The following PRKCA variants were observed in gnomAD, a reference collection of about 807,000 sequenced individuals.
PRKCA encodes protein kinase C alpha type.
In PRKCA, 27 loss-of-function variants were observed where a neutral mutation model predicts 87.0. The observed-to-expected ratio is 0.31, with a 90% CI of 0.23 to 0.43. PRKCA has a LOEUF of 0.43. PRKCA is among the 20% of genes least tolerant of loss of function. The pLI is 1.00. For synonymous variants in PRKCA, 329 were observed against 311.1 expected, an observed-to-expected ratio of 1.06 and a Z score of -0.61; for missense variants, 518 against 852.3, an observed-to-expected ratio of 0.61 and a Z score of 4.88.
chr17:66,630,286 G>A (rs1207540173), intron 3 of PRKCA, among the ~76,000 whole-genome samples: 1 of 152,204 alleles, frequency 6.6e-6, no homozygotes, highest in Non-Finnish European at 1.5e-5. Context: ...ATATGTGTAA[G>A]TATGTACTTA....
rs190528207 is a variant in PRKCA, at chr17:66,558,884, T to C, written c.288+62601T>C. Among the ~76,000 whole-genome samples the C allele has an allele frequency of 4.6e-5, 7 of 152,274 alleles. No individual in the cohort carries two copies. The East Asian group carries it at 1.4e-3, about 29-fold the overall frequency. ...TAATCTGCCATGCAGTTCAGAATGA[T>C]GACCCTCGGACCGGGCATGCTTCTC... On this transcript the variant is annotated intron_variant, in intron 3 of 16. Coordinates refer to ENST00000413366, the MANE Select transcript of PRKCA (RefSeq NM_002737.3).
intron 5 of PRKCA, among the ~76,000 whole-genome samples, chr17:66,658,358 G>A (rs910365564): frequency 3.3e-5 from 5 of 152,154 alleles, no homozygotes; most frequent in Admixed American, 6.5e-5. Flanking sequence ...GCAGACACCT[G>A]TAATCCCAGC....
intron 8 of PRKCA, among the ~76,000 whole-genome samples, chr17:66,715,890 A>G (rs541582303): frequency 1.6e-4 from 25 of 152,346 alleles, no homozygotes; most frequent in Admixed American, 1.6e-3. Context: ...CAGAAACTGA[A>G]TACCACAAGA....
intron 3 of PRKCA, among the ~76,000 whole-genome samples, chr17:66,569,114 G>A (rs982219493): frequency 1.3e-5 from 2 of 152,098 alleles, no homozygotes; most frequent in African/African-American, 4.8e-5. Context: ...TGAAGTTGAG[G>A]TACAAAATAA....
chr17:66,312,373 A>G (rs1213726203), intron 2 of PRKCA, among the ~76,000 whole-genome samples: 4 of 152,188 alleles, frequency 2.6e-5, no homozygotes, highest in African/African-American at 9.7e-5. Flanking sequence ...AAGTTTTTAG[A>G]CACATTAACT....
At chr17:66,671,441 G>A (rs983309345) in intron 5 of PRKCA, among the ~76,000 whole-genome samples, 3 of 152,064 alleles carry the variant, frequency 2.0e-5, no homozygotes, top group African/African-American at 7.2e-5. Flanking sequence ...TCTATAAAAT[G>A]TGGATACCAA....
intron 3 of PRKCA, among the ~76,000 whole-genome samples, chr17:66,588,822 G>A (rs111992830): frequency 6.6e-6 from 1 of 151,260 alleles, no homozygotes; most frequent in African/African-American, 2.4e-5. Flanking sequence ...TTGCATTTTT[G>A]TAGAGACAGG....
chr17:66,520,560 A>G (rs956120329), intron 3 of PRKCA, among the ~76,000 whole-genome samples: 2 of 152,208 alleles, frequency 1.3e-5, no homozygotes, highest in African/African-American at 4.8e-5. Flanking sequence ...ACTTCAAAGA[A>G]CAGAATAACT....
chr17:66,343,101 A>ATT (rs527607622), intron 2 of PRKCA, among the ~76,000 whole-genome samples: 2 of 147,996 alleles, frequency 1.4e-5, no homozygotes, highest in East Asian at 2.0e-4. Context: ...AACCTGAATA[A>ATT]TTTTTTTTTT....
At position 66,383,949 on chromosome 17, in the gene PRKCA, C is replaced by CA. The variant is rs879546144; in HGVS notation, c.205+77835dup. 6.1e-3 allele frequency among the ~76,000 whole-genome samples: 801 copies of CA among 132,070 alleles called. 4 individuals carry two copies. The highest frequency in any genetic ancestry group is 0.015 in the East Asian group (70 of 4,658). The allele number at this position is 132,070 out of a possible 152,430, so 86.6% of individuals were successfully genotyped here. Reference sequence around the variant, plus strand: ...TGGGTGAAAGAACAAGACTCTGTCTCAAAAAAAAAAAAATTGTTTTTGATG... The same window carrying CA: ...TGGGTGAAAGAACAAGACTCTGTCTCAAAAAAAAAAAAAATTGTTTTTGATG... On this transcript the variant is annotated intron_variant, in intron 2 of 16. Coordinates refer to ENST00000413366, the MANE Select transcript of PRKCA (RefSeq NM_002737.3).
chr17:66,701,199 G>A (rs1032873956), intron 8 of PRKCA, among the ~76,000 whole-genome samples: 1 of 152,082 alleles, frequency 6.6e-6, no homozygotes, highest in African/African-American at 2.4e-5. Context: ...ATAAAGCAAG[G>A]ATAGTCTCTT....
chr17:66,533,936 G>A (rs578031599), intron 3 of PRKCA, among the ~76,000 whole-genome samples: 3 of 152,096 alleles, frequency 2.0e-5, no homozygotes, highest in Admixed American at 2.0e-4. Flanking sequence ...TTGTTCGTTC[G>A]TAATGCCACA....
intron 2 of PRKCA, among the ~76,000 whole-genome samples, chr17:66,475,667 T>G (rs1385789678): frequency 6.6e-6 from 1 of 152,160 alleles, no homozygotes; most frequent in Non-Finnish European, 1.5e-5. Context: ...TCAGCTCACA[T>G]TTAATGCGGA....
At chr17:66,417,977 C>G (rs1912255626) in intron 2 of PRKCA, among the ~76,000 whole-genome samples, 1 of 152,184 alleles carries the variant, frequency 6.6e-6, no homozygotes, top group Non-Finnish European at 1.5e-5. Flanking sequence ...TGCACACTCT[C>G]TGTTTTATTT....
intron 2 of PRKCA, among the ~76,000 whole-genome samples, chr17:66,481,691 A>G (rs1468675952): frequency 1.3e-5 from 2 of 152,144 alleles, no homozygotes; most frequent in African/African-American, 4.8e-5. Flanking sequence ...CAGATACCTG[A>G]AGGGACTGGG....
chr17:66,488,886 A>C (rs971667308), intron 2 of PRKCA, among the ~76,000 whole-genome samples: 3 of 152,190 alleles, frequency 2.0e-5, no homozygotes, highest in African/African-American at 7.2e-5. Flanking sequence ...CATTGTTACA[A>C]ATCTGAAACC....
At chr17:66,367,946 T>C (rs1231294273) in intron 2 of PRKCA, among the ~76,000 whole-genome samples, 1 of 152,218 alleles carries the variant, frequency 6.6e-6, no homozygotes, top group African/African-American at 2.4e-5. Context: ...GAATTCCCTG[T>C]GTTTATAAAA....
chr17:66,621,979 A>G (rs1426541719), intron 3 of PRKCA, among the ~76,000 whole-genome samples: 1 of 152,016 alleles, frequency 6.6e-6, no homozygotes, highest in Admixed American at 6.6e-5. Context: ...CGGCGGGAGG[A>G]TTGCTTGAGG....
At chr17:66,592,862 G>A (rs529701791) in intron 3 of PRKCA, among the ~76,000 whole-genome samples, 4 of 152,094 alleles carry the variant, frequency 2.6e-5, no homozygotes, top group Non-Finnish European at 5.9e-5. Flanking sequence ...GCGCAATCTC[G>A]GCTCACTGCA....
Sources: allele counts gnomAD v4.1 joint callset (sites outside exome capture counted in the v4.1 genomes callset), GRCh38; gene constraint gnomAD v4.1.1; transcripts MANE v1.5; gene names NCBI Gene and HGNC (gene_info 2026-07-23, HGNC 2026-07-21).